The following ANTXR1 variants were observed in gnomAD, a reference collection of about 807,000 sequenced individuals.
ANTXR1 encodes the protein ANTXR cell adhesion molecule 1.
A neutral mutation model predicts 78.1 loss-of-function variants in ANTXR1; 19 were observed. The ratio of observed to expected loss-of-function variants is 0.24; its 90% CI spans 0.17 to 0.36. ANTXR1 has a LOEUF of 0.36. Ranked by LOEUF, ANTXR1 falls within the 10% of genes least tolerant of loss-of-function variation. The pLI, the probability that ANTXR1 is intolerant of heterozygous loss-of-function variation, is 1.00. For missense variants in ANTXR1, 518 were observed against 718.6 expected (o/e 0.72, Z 3.19); for synonymous variants, 273 against 260.5 (o/e 1.05, Z -0.46).
chr2:69,127,236 G>C (rs187303709), intron 12 of ANTXR1, among the ~76,000 whole-genome samples: 67 of 152,278 alleles, frequency 4.4e-4, no homozygotes, highest in Admixed American at 1.5e-3. Flanking sequence ...ATTGTAAATA[G>C]AGTAATGGAT....
chr2:69,217,120 G>A (rs1675198152), intron 17 of ANTXR1, among the ~76,000 whole-genome samples: 1 of 152,178 alleles, frequency 6.6e-6, no homozygotes, highest in Non-Finnish European at 1.5e-5. Flanking sequence ...GCAAACCTTT[G>A]CTCCCAGGGA....
At chr2:69,135,416 G>A (rs1198748488) in intron 12 of ANTXR1, among the ~76,000 whole-genome samples, 3 of 152,022 alleles carry the variant, frequency 2.0e-5, no homozygotes, top group African/African-American at 7.2e-5. Context: ...AAATATAATG[G>A]ACCAAACTCA....
At chr2:69,234,989 T>TAAAA (rs551827542) in intron 17 of ANTXR1, among the ~76,000 whole-genome samples, 1 of 67,742 alleles carries the variant, frequency 1.5e-5, no homozygotes, top group Non-Finnish European at 3.1e-5. Flanking sequence ...ATAACATAAC[T>TAAAA]AAAAAAAAAA....
At chr2:69,135,143 A>G (rs961185441) in intron 12 of ANTXR1, 8 of 279,206 alleles carry the variant, frequency 2.9e-5, no homozygotes, top group African/African-American at 1.3e-4. Context: ...TGTAACCCTT[A>G]TATGTATAAA....
intron 7 of ANTXR1, chr2:69,077,119 C>T: frequency 2.0e-6 from 1 of 488,284 alleles, no homozygotes; most frequent in South Asian, 2.3e-5. Context: ...ACATATCAAC[C>T]CAGGCCAAGC....
At chr2:69,105,929 A>G (rs1222336997) in intron 10 of ANTXR1, among the ~76,000 whole-genome samples, 1 of 152,254 alleles carries the variant, frequency 6.6e-6, no homozygotes, top group African/African-American at 2.4e-5. Flanking sequence ...ATAGCAAGCT[A>G]TATGAAGCAA....
chr2:69,206,585 G>A (rs963005109), intron 17 of ANTXR1, among the ~76,000 whole-genome samples: 2 of 152,202 alleles, frequency 1.3e-5, no homozygotes, highest in African/African-American at 2.4e-5. Flanking sequence ...TGTGTAGTGG[G>A]AGCAAGCTTA....
chr2:69,222,858 T>G (rs1675354195), intron 17 of ANTXR1, among the ~76,000 whole-genome samples: 1 of 152,246 alleles, frequency 6.6e-6, no homozygotes, highest in Non-Finnish European at 1.5e-5. Context: ...GAACCTTCTG[T>G]GAGGTTCCAT....
At chr2:69,018,867 A>C (rs1236091348) in intron 1 of ANTXR1, among the ~76,000 whole-genome samples, 1 of 152,204 alleles carries the variant, frequency 6.6e-6, no homozygotes, top group Non-Finnish European at 1.5e-5. Context: ...AGTTTCAGTA[A>C]ATCATGGTGC....
At chr2:69,014,418 A>C (rs1274052220) in intron 1 of ANTXR1, among the ~76,000 whole-genome samples, 2 of 151,660 alleles carry the variant, frequency 1.3e-5, no homozygotes, top group Non-Finnish European at 2.9e-5. Flanking sequence ...AGATGTAGTG[A>C]ATTCAAGCTC....
chr2:69,039,970 A>T, intron 1 of ANTXR1, 74 bp from the exon 2 acceptor site: 1 of 1,240,726 alleles, frequency 8.1e-7, no homozygotes, highest in East Asian at 2.4e-5. Context: ...AAATAACAGA[A>T]TGTGAAGATA....
intron 10 of ANTXR1, among the ~76,000 whole-genome samples, chr2:69,116,270 G>A (rs1229955832): frequency 6.6e-6 from 1 of 152,178 alleles, no homozygotes; most frequent in Non-Finnish European, 1.5e-5. Flanking sequence ...AATTATCAAT[G>A]AGGCAGCCCC....
chr2:69,130,696 T>G (rs1233796820), intron 12 of ANTXR1, among the ~76,000 whole-genome samples: 1 of 152,212 alleles, frequency 6.6e-6, no homozygotes, highest in Non-Finnish European at 1.5e-5. Context: ...ATTAGGTTAT[T>G]GACCTAACTT....
At chr2:69,094,412 T>C (rs1487148438) in intron 9 of ANTXR1, among the ~76,000 whole-genome samples, 4 of 152,182 alleles carry the variant, frequency 2.6e-5, no homozygotes, top group East Asian at 1.9e-4. Context: ...TCAACATGTA[T>C]TGGGGGAGAG....
At chr2:69,099,276 C>T (rs953768972) in intron 9 of ANTXR1, among the ~76,000 whole-genome samples, 1 of 152,184 alleles carries the variant, frequency 6.6e-6, no homozygotes, top group African/African-American at 2.4e-5. Flanking sequence ...CATGTCATAG[C>T]ATGTATGAGA....
intron 3 of ANTXR1, among the ~76,000 whole-genome samples, chr2:69,066,625 C>T (rs1670407559): frequency 6.6e-6 from 1 of 152,154 alleles, no homozygotes. Flanking sequence ...ACTGATTCTC[C>T]CCACCTTCTA....
intron 8 of ANTXR1, among the ~76,000 whole-genome samples, chr2:69,078,249 G>T (rs1670797866): frequency 6.6e-6 from 1 of 152,228 alleles, no homozygotes; most frequent in Non-Finnish European, 1.5e-5. Context: ...CAGCAGGTCA[G>T]TATGTGTGCT....
chr2:69,099,429 G>A (rs1253042252), intron 9 of ANTXR1, among the ~76,000 whole-genome samples: 1 of 152,094 alleles, frequency 6.6e-6, no homozygotes, highest in East Asian at 1.9e-4. Context: ...TTTTTGTGTG[G>A]ATATAACTTT....
chr2:69,191,103 G>A (rs1197417898), intron 16 of ANTXR1, among the ~76,000 whole-genome samples: 1 of 152,194 alleles, frequency 6.6e-6, no homozygotes, highest in African/African-American at 2.4e-5. Context: ...CATTTAGCTG[G>A]TGATTGGAAC....
Sources: allele counts gnomAD v4.1 joint callset (sites outside exome capture counted in the v4.1 genomes callset), GRCh38; gene constraint gnomAD v4.1.1; transcripts MANE v1.5; gene names NCBI Gene and HGNC (gene_info 2026-07-23, HGNC 2026-07-21).